The following REV3L variants were observed in gnomAD, a reference collection of about 807,000 sequenced individuals.
REV3L encodes the protein DNA polymerase zeta catalytic subunit.
REV3L carries 69 observed loss-of-function variants against 299.4 expected under a neutral mutation model. That is an observed-to-expected ratio of 0.23 (90% confidence interval 0.19 to 0.28). The LOEUF (loss-of-function observed/expected upper bound fraction) is 0.28. Among genes scored for constraint, REV3L ranks in the 10% least tolerant of loss-of-function variants. The pLI is 1.00. For synonymous variants in REV3L, 1,238 were observed against 1,271.4 expected (o/e 0.97, Z 0.56); for missense variants, 3,128 against 3,693.8 (o/e 0.85, Z 3.97).
intron 20 of REV3L, among the ~76,000 whole-genome samples, chr6:111,347,201 G>A (rs1236389579): frequency 6.6e-6 from 1 of 151,952 alleles, no homozygotes; most frequent in African/African-American, 2.4e-5. Flanking sequence ...CCCAGGAGGC[G>A]GAGGTTGCGG....
chr6:111,392,744 G>C, intron 5 of REV3L, 132 bp downstream of exon 5: 2 of 552,112 alleles, frequency 3.6e-6, no homozygotes, highest in Non-Finnish European at 6.4e-6. Context: ...GTCAAGGTTT[G>C]TTTCTGTTAA....
chr6:111,441,675 C>A (rs1788279684), intron 1 of REV3L, among the ~76,000 whole-genome samples: 1 of 152,176 alleles, frequency 6.6e-6, no homozygotes, highest in Non-Finnish European at 1.5e-5. Context: ...GGAGTTAAGA[C>A]TGTCATGTTT....
At chr6:111,311,561 T>C (rs1037222760) in intron 28 of REV3L, 1 of 184,898 alleles carries the variant, frequency 5.4e-6, no homozygotes, top group Non-Finnish European at 1.1e-5. Flanking sequence ...TTTTTTTTAA[T>C]AGTCAAAGCC....
rs576548839 is a variant in REV3L, at chr6:111,428,806, G to T, written c.140-12334C>A. Among the ~76,000 whole-genome samples the T allele has an allele frequency of 3.3e-5, 5 of 152,010 alleles. No individual in the cohort carries two copies. In the South Asian group the frequency reaches 1.0e-3, roughly 32 times the overall value. On this transcript the variant is annotated intron_variant, in intron 1 of 31. Coordinates refer to ENST00000368802, the MANE Select transcript of REV3L (RefSeq NM_001372078.1). ...GGCTCTTGTTAAGCAAGGGAAAGGG[G>T]CAAAAAGCTTATTTCAAGAAATAAC...
At chr6:111,380,832 TG>T in intron 10 of REV3L, among the ~76,000 whole-genome samples, 1 of 152,356 alleles carries the variant, frequency 6.6e-6, no homozygotes, top group Non-Finnish European at 1.5e-5. Flanking sequence ...TGGGAGGCCT[TG>T]CCAGGGAAGG....
rs972032985 is a variant in REV3L at position 111,475,153 on chromosome 6, A to T, written c.139+7597T>A. Among the ~76,000 whole-genome samples the T allele has an allele frequency of 2.0e-5, 3 of 151,868 alleles. No homozygotes were observed. The East Asian group carries it at 5.8e-4, about 29-fold the overall frequency. ...GTCATGCCTCTTGCTTTTTTTCCTCATATCTTTGACATAGCACCACAGCAG... is the reference window on the plus strand; with the variant it reads ...GTCATGCCTCTTGCTTTTTTTCCTCTTATCTTTGACATAGCACCACAGCAG... On this transcript the variant is annotated intron_variant, in intron 1 of 31. Transcript: ENST00000368802.
At position 111,360,391 on chromosome 6, in the gene REV3L, T is replaced by C. The variant is rs113725093; in HGVS notation, c.6880-1377A>G. Among the ~76,000 whole-genome samples, 10 of 152,184 alleles carry C rather than the reference T, an allele frequency of 6.6e-5. 1 individual carries two copies. The highest frequency in any genetic ancestry group is 1.4e-4 in the African/African-American group (6 of 41,512). On this transcript the variant is annotated intron_variant, in intron 16 of 31. Transcript: ENST00000368802. The stretch of plus-strand genomic sequence containing the variant: ...AAGTAGGAGGGAAGCTTACTTTTCA[T>C]TGCAAATTTTTTTGTCCTGATTGAG...
At chr6:111,321,280 C>T (rs1042592468) in intron 26 of REV3L, among the ~76,000 whole-genome samples, 1 of 152,126 alleles carries the variant, frequency 6.6e-6, no homozygotes, top group Non-Finnish European at 1.5e-5. Flanking sequence ...TTTTTTGTAG[C>T]TTGACTTCTT....
chr6:111,368,848 C>G (rs1432056077), intron 13 of REV3L, among the ~76,000 whole-genome samples: 1 of 152,084 alleles, frequency 6.6e-6, no homozygotes, highest in Admixed American at 6.5e-5. Context: ...TTTTCAATCA[C>G]TTCTCTTAGG....
chr6:111,366,938 G>A (rs1467529196), intron 14 of REV3L, among the ~76,000 whole-genome samples, 177 bp downstream of exon 14: 3 of 152,332 alleles, frequency 2.0e-5, no homozygotes, highest in Admixed American at 1.3e-4. Flanking sequence ...GCAAATATAA[G>A]TAGATTTCAC....
intron 1 of REV3L, among the ~76,000 whole-genome samples, chr6:111,417,657 A>G (rs1784912627): frequency 6.6e-6 from 1 of 152,168 alleles, no homozygotes; most frequent in Admixed American, 6.5e-5. Context: ...ATATATAGAA[A>G]GTAGTTCTAC....
rs765915175 is a variant in REV3L at position 111,416,322 on chromosome 6, G to C, written c.290C>G (p.Thr97Ser). Residue 97 changes from threonine to serine, a missense_variant, in exon 2 of 32, where the codon ACT (threonine) becomes AGT (serine). By Grantham distance (58) the Thr-to-Ser change is moderately conservative. Coordinates refer to ENST00000368802, the MANE Select transcript of REV3L (RefSeq NM_001372078.1). ...TGACACTTTGAACACATGCTGAGCA[G>C]TGGAAGATGGATTGCCTAAAGCCAC... ...LNVALGNPSS[T>S]AQHVFKVSLV... 3.5e-5 allele frequency: 57 copies of C among 1,613,662 alleles called. No individual in the cohort carries two copies. The highest frequency in any genetic ancestry group is 4.7e-5 in the Non-Finnish European group (56 of 1,179,786).
chr6:111,307,221 T>G, intron 31 of REV3L, 140 bp downstream of exon 31: 1 of 698,000 alleles, frequency 1.4e-6, no homozygotes, highest in African/African-American at 1.8e-5. Context: ...ATTTTTGAGA[T>G]TTTTAGGAAG....
chr6:111,358,715 A>G (rs748388302), intron 17 of REV3L, 107 bp downstream of exon 17: 12 of 814,454 alleles, frequency 1.5e-5, no homozygotes, highest in Non-Finnish European at 2.3e-5. Flanking sequence ...AACATTTTAG[A>G]AAAGAGTCAT....
At chr6:111,441,990 C>A (rs1409798892) in intron 1 of REV3L, among the ~76,000 whole-genome samples, 2 of 152,174 alleles carry the variant, frequency 1.3e-5, no homozygotes, top group Non-Finnish European at 2.9e-5. Context: ...TTCAGCTTTT[C>A]CCCCCACTTA....
chr6:111,307,621 C>A, intron 30 of REV3L, 51 bp from the exon 31 acceptor site: 1 of 1,551,058 alleles, frequency 6.4e-7, no homozygotes, highest in Non-Finnish European at 8.9e-7. Context: ...CACAGCAAAG[C>A]TGCTATTTTC....
chr6:111,479,422 G>A (rs191233978), intron 1 of REV3L, among the ~76,000 whole-genome samples: 22 of 151,416 alleles, frequency 1.5e-4, no homozygotes, highest in Non-Finnish European at 1.2e-4. Flanking sequence ...GAAACTTTAA[G>A]TGATTCCCTT....
intron 15 of REV3L, among the ~76,000 whole-genome samples, chr6:111,364,954 C>T (rs182826049): frequency 6.6e-6 from 1 of 152,026 alleles, no homozygotes; most frequent in East Asian, 1.9e-4. Context: ...TTGAGCTCTG[C>T]TGTCATTGGA....
At chr6:111,405,193 A>G (rs1173790204) in intron 4 of REV3L, among the ~76,000 whole-genome samples, 3 of 152,188 alleles carry the variant, frequency 2.0e-5, no homozygotes, top group Non-Finnish European at 4.4e-5. Context: ...CTAAACCCAC[A>G]ATACCTTTTA....
Sources: gnomAD v4.1 joint callset for allele counts (sites outside exome capture counted in the v4.1 genomes callset) on GRCh38, gnomAD v4.1.1 for gene constraint, MANE v1.5 for transcripts, NCBI Gene and HGNC (gene_info 2026-07-23, HGNC 2026-07-21) for gene names.